The following CCSER1 variants were observed in gnomAD, a reference collection of about 807,000 sequenced individuals.
CCSER1 encodes serine-rich coiled-coil domain-containing protein 1.
Under a neutral mutation model 82.0 loss-of-function variants are expected in CCSER1, and 41 were observed. The observed-to-expected ratio is 0.50, with a 90% CI of 0.39 to 0.65. The LOEUF is 0.65. CCSER1 is among the 30% of genes least tolerant of loss of function. CCSER1 has a pLI of 0.00. For synonymous variants in CCSER1, 414 were observed against 383.9 expected, an observed-to-expected ratio of 1.08 and a Z score of -0.92; for missense variants, 1,119 against 1,064.2, an observed-to-expected ratio of 1.05 and a Z score of -0.72.
At chr4:90,462,233 A>G (rs965638271) in intron 4 of CCSER1, among the ~76,000 whole-genome samples, 1 of 152,216 alleles carries the variant, frequency 6.6e-6, no homozygotes, top group Non-Finnish European at 1.5e-5. Context: ...AGTAAAAGAT[A>G]TAAAGAAGTT....
intron 1 of CCSER1, among the ~76,000 whole-genome samples, chr4:90,148,737 A>G (rs6837278): frequency 0.28 from 42,952 of 151,964 alleles, 7,676 homozygotes; most frequent in East Asian, 0.65. Context: ...CAAATGTTTT[A>G]CCTATGATGT....
chr4:91,417,246 A>G (rs1017966190), intron 10 of CCSER1, among the ~76,000 whole-genome samples: 2 of 151,822 alleles, frequency 1.3e-5, no homozygotes, highest in Non-Finnish European at 2.9e-5. Flanking sequence ...GATTGGTGGA[A>G]GTGTAAATTA....
chr4:90,953,134 G>A (rs1275615185), intron 9 of CCSER1, among the ~76,000 whole-genome samples: 3 of 151,814 alleles, frequency 2.0e-5, no homozygotes. Context: ...CATGTGTTAT[G>A]TTCATATGCA....
intron 9 of CCSER1, among the ~76,000 whole-genome samples, chr4:90,992,156 G>A (rs952892329): frequency 6.6e-6 from 1 of 151,968 alleles, no homozygotes; most frequent in Admixed American, 6.6e-5. Context: ...TGCCAAACTT[G>A]TAGATAATTT....
At chr4:91,359,094 G>A (rs548174829) in intron 10 of CCSER1, among the ~76,000 whole-genome samples, 21 of 152,024 alleles carry the variant, frequency 1.4e-4, no homozygotes, top group Middle Eastern at 3.4e-3. Flanking sequence ...CCTTTTAAGG[G>A]CTCACAACAC....
At chr4:91,058,970 TA>T (rs370136900) in intron 9 of CCSER1, among the ~76,000 whole-genome samples, 94 of 152,132 alleles carry the variant, frequency 6.2e-4, no homozygotes, top group African/African-American at 2.2e-3. Context: ...CTATAATTCT[TA>T]CAGTCTTTTT....
At chr4:91,174,136 C>T (rs1011037931) in intron 10 of CCSER1, among the ~76,000 whole-genome samples, 5 of 152,146 alleles carry the variant, frequency 3.3e-5, no homozygotes, top group South Asian at 2.1e-4. Context: ...TTCTGAACAA[C>T]ATTAACATCC....
At chr4:90,296,531 C>T (rs1731977829) in intron 1 of CCSER1, among the ~76,000 whole-genome samples, 1 of 152,068 alleles carries the variant, frequency 6.6e-6, no homozygotes, top group East Asian at 1.9e-4. Flanking sequence ...CTTTTGTTGC[C>T]ATTGCTTTTG....
chr4:90,708,380 C>T (rs1739805998), intron 6 of CCSER1, among the ~76,000 whole-genome samples: 1 of 152,120 alleles, frequency 6.6e-6, no homozygotes, highest in African/African-American at 2.4e-5. Context: ...GAGGAATAAG[C>T]AGAACCAAAA....
At chr4:91,204,436 G>C (rs1736177524) in intron 10 of CCSER1, among the ~76,000 whole-genome samples, 1 of 151,758 alleles carries the variant, frequency 6.6e-6, no homozygotes, top group Non-Finnish European at 1.5e-5. Flanking sequence ...GTTTCATTTT[G>C]ATGTGCTACT....
intron 5 of CCSER1, among the ~76,000 whole-genome samples, chr4:90,585,471 G>A (rs538529460): frequency 8.0e-4 from 121 of 152,140 alleles, no homozygotes; most frequent in African/African-American, 2.6e-3. Flanking sequence ...AGATCTGTTT[G>A]TTTCTTTAAT....
At chr4:90,641,396 G>A (rs1273902599) in intron 6 of CCSER1, among the ~76,000 whole-genome samples, 2 of 152,228 alleles carry the variant, frequency 1.3e-5, no homozygotes, top group African/African-American at 4.8e-5. Context: ...GGCATGTGCA[G>A]TTACGAAGGG....
At chr4:91,245,005 C>T (rs937193731) in intron 10 of CCSER1, among the ~76,000 whole-genome samples, 2 of 151,778 alleles carry the variant, frequency 1.3e-5, no homozygotes, top group African/African-American at 2.4e-5. Context: ...CTGAAGAATG[C>T]ATTAGAGTCT....
intron 3 of CCSER1, among the ~76,000 whole-genome samples, chr4:90,367,922 GA>G (rs1362827565): frequency 6.6e-6 from 1 of 151,456 alleles, no homozygotes; most frequent in African/African-American, 2.4e-5. Context: ...GAAAATTACT[GA>G]AAAAAAGAAA....
At chr4:90,690,740 T>G (rs1430097204) in intron 6 of CCSER1, among the ~76,000 whole-genome samples, 1 of 151,920 alleles carries the variant, frequency 6.6e-6, no homozygotes, top group African/African-American at 2.4e-5. Context: ...GCCTCCTTAA[T>G]TTTTTTTATG....
chr4:90,700,302 T>C (rs913655618), intron 6 of CCSER1, among the ~76,000 whole-genome samples: 2 of 152,192 alleles, frequency 1.3e-5, no homozygotes, highest in African/African-American at 4.8e-5. Context: ...TCCGTGTCCC[T>C]ACAAAGGACA....
At position 90,255,832 on chromosome 4, in the gene CCSER1, G is replaced by A. The variant is rs1409532909; in HGVS notation, c.-41-52412G>A. 2.0e-5 allele frequency among the ~76,000 whole-genome samples: 3 copies of A among 152,062 alleles called. No homozygotes were observed. In the East Asian group the frequency reaches 5.8e-4, roughly 29 times the overall value. ...CTTAATGTTTATTTTCAGTGTTTGGGACATTATTCACTTTACATGTATAAT... is the reference window on the plus strand; with the variant it reads ...CTTAATGTTTATTTTCAGTGTTTGGAACATTATTCACTTTACATGTATAAT... On this transcript the variant is annotated intron_variant, in intron 1 of 10. Coordinates refer to ENST00000509176, the MANE Select transcript of CCSER1 (RefSeq NM_001145065.2).
rs564002281 is a variant in CCSER1, at chr4:90,810,217, C to T, written c.2011-5545C>T. ...GCTCAAGCTATCCTCCTTCCTTGGCCTCCCAAAGTGCTGGGATTACAAGCG... is the reference window on the plus strand; with the variant it reads ...GCTCAAGCTATCCTCCTTCCTTGGCTTCCCAAAGTGCTGGGATTACAAGCG... On this transcript the variant is annotated intron_variant, in intron 7 of 10. Transcript: ENST00000509176. Among the ~76,000 whole-genome samples the T allele has an allele frequency of 3.3e-5, 5 of 152,158 alleles. 1 individual carries two copies. The highest frequency in any genetic ancestry group is 3.3e-4 in the Admixed American group (5 of 15,282).
chr4:91,365,548 C>T (rs1749552947), intron 10 of CCSER1, among the ~76,000 whole-genome samples: 1 of 152,120 alleles, frequency 6.6e-6, no homozygotes, highest in African/African-American at 2.4e-5. Flanking sequence ...CAGAATCAGA[C>T]TCTTTATAGC....
Sources: allele counts gnomAD v4.1 joint callset (sites outside exome capture counted in the v4.1 genomes callset), GRCh38; gene constraint gnomAD v4.1.1; transcripts MANE v1.5; gene names NCBI Gene and HGNC (gene_info 2026-07-23, HGNC 2026-07-21).